HPSE: variants seen among roughly 807,000 people sequenced by gnomAD.
HPSE encodes the protein endo-glucoronidase.
HPSE carries 48 observed loss-of-function variants against 65.1 expected under a neutral mutation model. The observed-to-expected ratio is 0.74, with a 90% CI of 0.58 to 0.94. HPSE has a LOEUF of 0.94. Among genes scored for constraint, HPSE ranks in the 40% least tolerant of loss-of-function variants. The pLI, the probability that HPSE is intolerant of heterozygous loss-of-function variation, is 0.00. For synonymous variants in HPSE, 243 were observed against 260.0 expected (o/e 0.93, Z 0.63); for missense variants, 644 against 637.5 (o/e 1.01, Z -0.11).
At chr4:83,312,495 G>A (rs113271095) in intron 4 of HPSE, among the ~76,000 whole-genome samples, 4,006 of 151,766 alleles carry the variant, frequency 0.026, 71 homozygotes, top group Non-Finnish European at 0.04. Context: ...GGCTAACACG[G>A]TGAAACCCCG....
chr4:83,330,471 T>C (rs564015303), intron 1 of HPSE, among the ~76,000 whole-genome samples: 1 of 152,352 alleles, frequency 6.6e-6, no homozygotes, highest in South Asian at 2.1e-4. Flanking sequence ...TGTTTCCCTT[T>C]GGCTGTGAAT....
intron 1 of HPSE, among the ~76,000 whole-genome samples, chr4:83,327,810 A>T (rs1737210035): frequency 6.6e-6 from 1 of 152,210 alleles, no homozygotes; most frequent in Non-Finnish European, 1.5e-5. Context: ...TACACCACAG[A>T]AATCAGCAAA....
chr4:83,309,049 C>T (rs1736265342), intron 7 of HPSE, 98 bp from the exon 8 acceptor site: 1 of 834,470 alleles, frequency 1.2e-6, no homozygotes, highest in African/African-American at 1.7e-5. Context: ...CTTTGTATTC[C>T]TAGACCCACC....
At chr4:83,324,433 G>T (rs1737060607) in intron 1 of HPSE, among the ~76,000 whole-genome samples, 1 of 152,110 alleles carries the variant, frequency 6.6e-6, no homozygotes, top group African/African-American at 2.4e-5. Context: ...TAAACTAAAA[G>T]ATAGAAATTG....
intron 1 of HPSE, among the ~76,000 whole-genome samples, chr4:83,333,932 A>G (rs1303817668): frequency 1.3e-5 from 2 of 152,210 alleles, no homozygotes; most frequent in Admixed American, 6.5e-5. Flanking sequence ...AAGGCTATGC[A>G]CAATCTTACT....
chr4:83,325,395 A>T (rs2126196495), intron 1 of HPSE, among the ~76,000 whole-genome samples: 1 of 152,188 alleles, frequency 6.6e-6, no homozygotes, highest in Non-Finnish European at 1.5e-5. Flanking sequence ...TGAACTCCTG[A>T]CCTCAGGTGA....
intron 6 of HPSE, among the ~76,000 whole-genome samples, chr4:83,309,718 T>C (rs1736292734): frequency 6.6e-6 from 1 of 152,152 alleles, no homozygotes; most frequent in South Asian, 2.1e-4. Context: ...AAAAACACAG[T>C]GGCAAGTACA....
At chr4:83,312,841 C>CAAAAAAAAAAAAAAAAAAAA (rs1200808673) in intron 4 of HPSE, among the ~76,000 whole-genome samples, 1 of 10,982 alleles carries the variant, frequency 9.1e-5, no homozygotes, top group African/African-American at 5.1e-4. Flanking sequence ...ACTAAAAATG[C>CAAAAAAAAAAAAAAAAAAAA]AAAAAAAAAA....
At chr4:83,316,874 GT>G (rs893416834) in intron 3 of HPSE, among the ~76,000 whole-genome samples, 2 of 151,972 alleles carry the variant, frequency 1.3e-5, no homozygotes, top group Non-Finnish European at 2.9e-5. Flanking sequence ...CCGTTTTTTT[GT>G]TGTTGTTGTT....
intron 3 of HPSE, among the ~76,000 whole-genome samples, chr4:83,314,920 C>T (rs1048638935): frequency 6.6e-6 from 1 of 152,142 alleles, no homozygotes; most frequent in African/African-American, 2.4e-5. Flanking sequence ...CTTTGGGAGG[C>T]TGAGGCAGGT....
chr4:83,295,601 T>G, intron 11 of HPSE, 98 bp from the exon 12 acceptor site: 1 of 968,314 alleles, frequency 1.0e-6, no homozygotes, highest in Non-Finnish European at 1.5e-6. Flanking sequence ...AAATAAATTT[T>G]TTTTTGTGGC....
In HPSE at chr4:83,302,258, A is replaced by G. The variant is rs1204318429; in HGVS notation, c.1217T>C (p.Leu406Pro). 6.2e-7 allele frequency: 1 copy of G among 1,609,286 alleles called. No homozygotes were observed. The highest frequency in any genetic ancestry group is 8.5e-7 in the Non-Finnish European group (1 of 1,175,798). The change falls in exon 10 of 12, where the codon CTA becomes CCA. Residue 406 changes from leucine (L) to proline (P), a missense_variant. Leu to Pro is a moderately conservative substitution (Grantham distance 98, BLOSUM62 -3). Transcript: ENST00000311412. Reference protein sequence around the residue: ...ENFDPLPDYWLSLLFKKLVGT... With the variant: ...ENFDPLPDYWPSLLFKKLVGT... ...CACCAATTTCTTGAACAGAAGAGATAGCCAATAATCCTAGTTGTGGTGGTT... is the reference window on the plus strand; with the variant it reads ...CACCAATTTCTTGAACAGAAGAGATGGCCAATAATCCTAGTTGTGGTGGTT...
intron 1 of HPSE, among the ~76,000 whole-genome samples, chr4:83,325,654 C>G (rs561950319): frequency 6.6e-6 from 1 of 152,024 alleles, no homozygotes; most frequent in South Asian, 2.1e-4. Context: ...GTGATAGATA[C>G]GAACAAGTAA....
chr4:83,307,237 T>A (rs1214059838), intron 8 of HPSE, among the ~76,000 whole-genome samples: 1 of 152,196 alleles, frequency 6.6e-6, no homozygotes, highest in African/African-American at 2.4e-5. Context: ...GTCTTGATAA[T>A]TGGCTCTATC....
At chr4:83,328,455 C>T (rs187753874) in intron 1 of HPSE, among the ~76,000 whole-genome samples, 3 of 152,316 alleles carry the variant, frequency 2.0e-5, no homozygotes, top group Non-Finnish European at 4.4e-5. Flanking sequence ...CTAATAACGT[C>T]TGCAATGACC....
In HPSE at chr4:83,308,270, C is replaced by T. The variant is rs549254058; in HGVS notation, c.1091+575G>A. The stretch of plus-strand genomic sequence containing the variant: ...TAAAAATACAAAAATTAGCCCAGTG[C>T]GGTGATACTCCTGTAGTCCCAGCTA... On this transcript the variant is annotated intron_variant, in intron 8 of 11. Coordinates refer to ENST00000311412, the MANE Select transcript of HPSE (RefSeq NM_001098540.3). Among the ~76,000 whole-genome samples, 171 of 152,096 alleles carry T rather than the reference C, an allele frequency of 1.1e-3. 3 individuals carry two copies. In the South Asian group the frequency reaches 0.03, roughly 26 times the overall value.
At chr4:83,335,061 C>A (rs1737564610), upstream of HPSE, 1 of 479,052 alleles carries the variant, frequency 2.1e-6, no homozygotes, top group Non-Finnish European at 3.6e-6. Flanking sequence ...ATCACCCACA[C>A]CCACTTGAAG....
chr4:83,330,062 G>A (rs554454025), intron 1 of HPSE, among the ~76,000 whole-genome samples: 4 of 152,240 alleles, frequency 2.6e-5, no homozygotes, highest in South Asian at 2.1e-4. Flanking sequence ...CATTATTATC[G>A]TCATTTTACA....
chr4:83,315,697 C>G (rs1282467897), intron 3 of HPSE, among the ~76,000 whole-genome samples: 2 of 152,184 alleles, frequency 1.3e-5, no homozygotes, highest in African/African-American at 4.8e-5. Context: ...AGATATGGAT[C>G]TAAAGTCCTG....
Sources: allele counts gnomAD v4.1 joint callset (sites outside exome capture counted in the v4.1 genomes callset), GRCh38; gene constraint gnomAD v4.1.1; transcripts MANE v1.5; gene names NCBI Gene and HGNC (gene_info 2026-07-23, HGNC 2026-07-21).